The following SNX4 variants were observed in gnomAD, a reference collection of about 807,000 sequenced individuals.
SNX4 encodes the protein sorting nexin-4.
Under a neutral mutation model 70.8 loss-of-function variants are expected in SNX4, and 49 were observed. The ratio of observed to expected loss-of-function variants is 0.69; its 90% confidence interval spans 0.55 to 0.88. The LOEUF (loss-of-function observed/expected upper bound fraction) is 0.88. Among genes scored for constraint, SNX4 ranks in the 40% least tolerant of loss-of-function variants. SNX4 has a pLI of 0.00. For missense variants in SNX4, 528 were observed against 544.8 expected (o/e 0.97, Z 0.31); for synonymous variants, 206 against 183.8 (o/e 1.12, Z -0.98).
In SNX4 at chr3:125,479,915, G is replaced by T. The variant is rs79603595; in HGVS notation, c.726+332C>A. On this transcript the variant is annotated intron_variant, in intron 7 of 13. Transcript: ENST00000251775. ...GCCTAACACCTATAAACTATTTCACGGACCTTTAAAAAAAACATGAAAGAA... is the reference window on the plus strand; with the variant it reads ...GCCTAACACCTATAAACTATTTCACTGACCTTTAAAAAAAACATGAAAGAA... Among the ~76,000 whole-genome samples, 7 of 151,894 alleles carry T rather than the reference G, an allele frequency of 4.6e-5. No individual in the cohort carries two copies. In the Middle Eastern group the frequency reaches 0.017, roughly 369 times the overall value.
rs1180289841 is a variant in SNX4 at position 125,457,420 on chromosome 3, T to A, written c.945-55A>T. Reference sequence around the variant, plus strand: ...ACTTTTCCTTTAACATGTCAAACATTTTTTTCAAGGGTAGAGGAGAACCAT... The same window carrying A: ...ACTTTTCCTTTAACATGTCAAACATATTTTTCAAGGGTAGAGGAGAACCAT... On this transcript the variant is annotated intron_variant, in intron 10 of 13. Transcript: ENST00000251775. 4 of 1,340,256 alleles carry A rather than the reference T, an allele frequency of 3.0e-6. No homozygotes were observed. The African/African-American group carries it at 5.7e-5, about 19-fold the overall frequency. The allele number at this position is 1,340,256 out of a possible 1,614,324, so 83.0% of individuals were successfully genotyped here. A position where few individuals can be genotyped will look rare whatever the true frequency, so the allele number is the denominator to read the frequency against.
At chr3:125,475,472 T>G (rs1934270406) in intron 8 of SNX4, among the ~76,000 whole-genome samples, 1 of 152,178 alleles carries the variant, frequency 6.6e-6, no homozygotes, top group African/African-American at 2.4e-5. Context: ...TCAAGCGATT[T>G]TCCTGAGTCA....
At chr3:125,506,753 A>T (rs562089554) in intron 1 of SNX4, among the ~76,000 whole-genome samples, 2 of 139,958 alleles carry the variant, frequency 1.4e-5, no homozygotes, top group South Asian at 4.8e-4. Flanking sequence ...TGCCTGGATG[A>T]CAAAGACTTT....
At chr3:125,472,396 C>T (rs1045173282) in intron 8 of SNX4, among the ~76,000 whole-genome samples, 4 of 152,122 alleles carry the variant, frequency 2.6e-5, no homozygotes, top group African/African-American at 7.2e-5. Context: ...TTCCACATTC[C>T]GAAGTGTTGC....
intron 5 of SNX4, among the ~76,000 whole-genome samples, chr3:125,490,708 C>G (rs942072276): frequency 1.3e-5 from 2 of 151,462 alleles, no homozygotes; most frequent in Admixed American, 1.3e-4. Context: ...GGGATAAATA[C>G]TAAATAATAA....
chr3:125,490,285 A>C (rs1395054875), intron 5 of SNX4, among the ~76,000 whole-genome samples: 1 of 152,178 alleles, frequency 6.6e-6, no homozygotes, highest in Non-Finnish European at 1.5e-5. Flanking sequence ...TTGTAATCCC[A>C]GCACTTTGGG....
rs993449086 is a variant in SNX4, at chr3:125,447,058, T to C, written c.*721A>G. The C allele has an allele frequency of 1.3e-5, 2 of 152,570 alleles. No individual in the cohort carries two copies. The highest frequency in any genetic ancestry group is 4.8e-5 in the African/African-American group (2 of 41,422). 9.5% of individuals were successfully genotyped at this position (152,570 alleles called of 1,614,324 possible). Reference sequence around the variant, plus strand: ...GCTCATTACTGAGGTTAAGAATTATTTGAGAAGAATTTAATTCTTATATGT... The same window carrying C: ...GCTCATTACTGAGGTTAAGAATTATCTGAGAAGAATTTAATTCTTATATGT... On this transcript the variant is annotated 3_prime_UTR_variant, in exon 14 of 14. Transcript: ENST00000251775.
intron 2 of SNX4, among the ~76,000 whole-genome samples, chr3:125,500,972 T>C (rs1038140752): frequency 6.6e-6 from 1 of 151,064 alleles, no homozygotes; most frequent in African/African-American, 2.4e-5. Flanking sequence ...TCTACTTGTA[T>C]CCAGAAGGTA....
intron 10 of SNX4, among the ~76,000 whole-genome samples, chr3:125,460,497 A>C (rs1933851505): frequency 6.6e-6 from 1 of 152,202 alleles, no homozygotes; most frequent in South Asian, 2.1e-4. Context: ...TTTGCTTCCA[A>C]TCTTCAAACT....
intron 13 of SNX4, among the ~76,000 whole-genome samples, chr3:125,449,984 C>A (rs1933534340): frequency 6.6e-6 from 1 of 152,088 alleles, no homozygotes; most frequent in South Asian, 2.1e-4. Flanking sequence ...GTGGCTCATG[C>A]CTATAATCCC....
chr3:125,472,920 C>T (rs1438956160), intron 8 of SNX4, among the ~76,000 whole-genome samples: 2 of 152,150 alleles, frequency 1.3e-5, no homozygotes, highest in Non-Finnish European at 2.9e-5. Flanking sequence ...TATCCCTCCC[C>T]TGTCCACCAT....
chr3:125,519,955 C>CTCAGCCCAGCCCAGCCCAG, intron 1 of SNX4, 77 bp downstream of exon 1: 1 of 1,155,734 alleles, frequency 8.7e-7, no homozygotes, highest in Non-Finnish European at 1.2e-6. Context: ...CCCGGCCCAG[C>CTCAGCCCAGCCCAGCCCAG]CCAGCCCAGC....
At chr3:125,507,763 A>G (rs1474563880) in intron 1 of SNX4, among the ~76,000 whole-genome samples, 1 of 152,188 alleles carries the variant, frequency 6.6e-6, no homozygotes, top group East Asian at 1.9e-4. Flanking sequence ...CCAGAATCCT[A>G]TATCTAGCAA....
chr3:125,503,776 T>C (rs1412198466), intron 2 of SNX4, among the ~76,000 whole-genome samples: 2 of 152,178 alleles, frequency 1.3e-5, no homozygotes, highest in South Asian at 2.1e-4. Context: ...ATTTGATACA[T>C]GTTATTTATT....
intron 5 of SNX4, among the ~76,000 whole-genome samples, chr3:125,496,355 T>C (rs1221449567): frequency 6.6e-6 from 1 of 152,180 alleles, no homozygotes; most frequent in Non-Finnish European, 1.5e-5. Flanking sequence ...AACTGGTTTA[T>C]CATATTTTCT....
At chr3:125,450,921 C>T (rs968265939) in intron 13 of SNX4, among the ~76,000 whole-genome samples, 2 of 151,988 alleles carry the variant, frequency 1.3e-5, no homozygotes, top group African/African-American at 2.4e-5. Context: ...AATGGAGATA[C>T]AAATTTGGAC....
At chr3:125,519,974 G>T in intron 1 of SNX4, 58 bp downstream of exon 1, 2 of 878,304 alleles carry the variant, frequency 2.3e-6, no homozygotes, top group Non-Finnish European at 3.2e-6. Flanking sequence ...GCCCAGCCCA[G>T]CCCGGCCCGC....
At chr3:125,481,048 A>C (rs1426556198) in intron 6 of SNX4, among the ~76,000 whole-genome samples, 1 of 152,080 alleles carries the variant, frequency 6.6e-6, no homozygotes, top group Non-Finnish European at 1.5e-5. Flanking sequence ...CCCAGCTATT[A>C]ACACCCTGTC....
At chr3:125,453,730 A>AAAAT (rs1045255659) in intron 12 of SNX4, 80 bp downstream of exon 12, 61 of 1,330,740 alleles carry the variant, frequency 4.6e-5, no homozygotes, top group African/African-American at 1.0e-4. Flanking sequence ...AATTGTTACC[A>AAAAT]AAATAAATAA....
Sources: allele counts gnomAD v4.1 joint callset (sites outside exome capture counted in the v4.1 genomes callset), GRCh38; gene constraint gnomAD v4.1.1; transcripts MANE v1.5; gene names NCBI Gene and HGNC (gene_info 2026-07-23, HGNC 2026-07-21).